The following KIF16B variants were observed in gnomAD, a reference collection of about 807,000 sequenced individuals.
The protein encoded by KIF16B is kinesin-like protein KIF16B.
Under a neutral mutation model 156.3 loss-of-function variants are expected in KIF16B, and 98 were observed. The ratio of observed to expected loss-of-function variants is 0.63; its 90% CI spans 0.53 to 0.74. The LOEUF (loss-of-function observed/expected upper bound fraction) is 0.74, where lower values mean the gene tolerates loss of function less well. Ranked by LOEUF, KIF16B falls within the 30% of genes least tolerant of loss-of-function variation. The probability of loss-of-function intolerance (pLI) is 0.00; values close to 1 mark genes in which losing one functional copy is unlikely to be tolerated. For synonymous variants in KIF16B, 564 were observed against 583.7 expected (o/e 0.97, Z 0.49); for missense variants, 1,421 against 1,606.5 (o/e 0.88, Z 1.97).
At chr20:16,406,320 A>G (rs2065783837) in intron 16 of KIF16B, 54 bp downstream of exon 16, 1 of 1,470,742 alleles carries the variant, frequency 6.8e-7, no homozygotes, top group Non-Finnish European at 9.5e-7. Flanking sequence ...ACCACCACCC[A>G]CTCATCCTCA....
chr20:16,286,106 T>C (rs1355540844), intron 25 of KIF16B, among the ~76,000 whole-genome samples: 1 of 152,248 alleles, frequency 6.6e-6, no homozygotes, highest in Admixed American at 6.5e-5. Flanking sequence ...TTTAGTCGAA[T>C]GATGTATCCC....
At chr20:16,290,530 G>C (rs763786054) in intron 25 of KIF16B, among the ~76,000 whole-genome samples, 4 of 152,212 alleles carry the variant, frequency 2.6e-5, no homozygotes, top group Non-Finnish European at 4.4e-5. Flanking sequence ...TACCAGGAGA[G>C]ATAACCTGCT....
intron 22 of KIF16B, among the ~76,000 whole-genome samples, chr20:16,358,736 C>T (rs1302474023): frequency 1.3e-5 from 2 of 152,214 alleles, no homozygotes; most frequent in Admixed American, 1.3e-4. Flanking sequence ...GTGAGAACAA[C>T]TATGAATATG....
chr20:16,383,910 G>A (rs1190521571), intron 17 of KIF16B, among the ~76,000 whole-genome samples: 1 of 152,206 alleles, frequency 6.6e-6, no homozygotes, highest in Admixed American at 6.5e-5. Context: ...CCTACCATCT[G>A]AGGATTGTTT....
Position 16,494,350 on chromosome 20 carries a change from C to A in KIF16B, c.1243G>T (p.Val415Phe). ...EEKLQQNEAR[V>F]QELTKEWTNK... is the part of the protein sequence containing the mutation. ...GTCCATTCCTTGGTCAATTCTTGAA[C>A]CTGAAAAGAAAAATATACATACGTG... The change falls in exon 12 of 26, where the codon GTT becomes TTT. Residue 415 changes from valine to phenylalanine, a missense_variant and splice_region_variant. Transcript: ENST00000354981. 1 of 1,588,608 alleles carries A rather than the reference C, an allele frequency of 6.3e-7. No homozygotes were observed. Among genetic ancestry groups the A allele is most frequent in the Non-Finnish European group, 8.6e-7 (1 of 1,165,412 alleles).
rs1389521069 is a variant in KIF16B, at chr20:16,379,034, CCTTTTTCCTCA to C, written c.2957_2967del (p.Val986GlyfsTer41). On this transcript the variant is annotated frameshift_variant, in exon 19 of 26. Transcript: ENST00000354981. LOFTEE classifies it high-confidence loss of function. ...TCTCTGGACTCCAAAATCTCCTTTT[CCTTTTTCCTCA>C]CTTTTTCCTCCTGACGTGCAATGTT... The C allele has an allele frequency of 1.9e-6, 3 of 1,611,194 alleles. No individual in the cohort carries two copies. The highest frequency in any genetic ancestry group is 1.3e-5 in the African/African-American group (1 of 74,670).
At chr20:16,510,307 A>T (rs1377048868) in intron 6 of KIF16B, among the ~76,000 whole-genome samples, 1 of 152,166 alleles carries the variant, frequency 6.6e-6, no homozygotes, top group Non-Finnish European at 1.5e-5. Flanking sequence ...ATACTGGCAC[A>T]CCCTGCTTTG....
intron 12 of KIF16B, among the ~76,000 whole-genome samples, chr20:16,430,313 A>G (rs2066464466): frequency 6.6e-6 from 1 of 152,142 alleles, no homozygotes. Context: ...ATTTAATATC[A>G]AGATGTTGCC....
Position 16,538,030 on chromosome 20 carries a change from T to C in KIF16B, c.48-9590A>G, listed in dbSNP as rs377095242. ...TACCCACATTTTCAAGTAAGGCTTG[T>C]CTTGGGTCCAGTTTGACTCACCTCC... On this transcript the variant is annotated intron_variant, in intron 1 of 25. Transcript: ENST00000354981. Among the ~76,000 whole-genome samples, 85 of 152,234 alleles carry C rather than the reference T, an allele frequency of 5.6e-4. 2 individuals are homozygous for C. In the South Asian group the frequency reaches 0.017, roughly 30 times the overall value.
At chr20:16,363,982 G>A (rs2064604239) in intron 22 of KIF16B, among the ~76,000 whole-genome samples, 1 of 152,240 alleles carries the variant, frequency 6.6e-6, no homozygotes, top group Admixed American at 6.5e-5. Flanking sequence ...TTAGAAACTG[G>A]TCTATCCAAT....
intron 24 of KIF16B, among the ~76,000 whole-genome samples, chr20:16,320,402 C>T (rs1290199781): frequency 6.6e-6 from 1 of 151,984 alleles, no homozygotes; most frequent in Admixed American, 6.6e-5. Context: ...TGCCTCTGCA[C>T]CCTCCTTCCT....
chr20:16,471,470 G>GT (rs1274135454), intron 12 of KIF16B, among the ~76,000 whole-genome samples: 1 of 152,076 alleles, frequency 6.6e-6, no homozygotes, highest in Non-Finnish European at 1.5e-5. Context: ...GTGGTAAATG[G>GT]TATAATTTTG....
At position 16,379,969 on chromosome 20, in the gene KIF16B, T is replaced by C; in HGVS notation, c.2033A>G (p.Lys678Arg). The change falls in exon 19 of 26, where the codon AAA becomes AGA. Residue 678 changes from lysine (K) to arginine (R), a missense_variant. Lys to Arg is a conservative substitution (Grantham distance 26). Coordinates refer to ENST00000354981, the MANE Select transcript of KIF16B (RefSeq NM_024704.5). ...KLKDLLAEKEKFEEERLREQQ... is the reference protein window; with the variant it reads ...KLKDLLAEKERFEEERLREQQ... ...TTCCCTCAGCCTCTCCTCTTCAAAT[T>C]TTTCCTTCTCCGCAAGTAAATCCTT... The C allele has an allele frequency of 1.2e-6, 2 of 1,612,788 alleles. No homozygotes were observed. The highest frequency in any genetic ancestry group is 1.7e-6 in the Non-Finnish European group (2 of 1,179,754).
chr20:16,354,554 G>A (rs2123134875), intron 23 of KIF16B, among the ~76,000 whole-genome samples: 1 of 152,160 alleles, frequency 6.6e-6, no homozygotes, highest in South Asian at 2.1e-4. Flanking sequence ...AATTGACCAG[G>A]AGATAGATAT....
chr20:16,470,194 T>C (rs1295556491), intron 12 of KIF16B, among the ~76,000 whole-genome samples: 1 of 152,204 alleles, frequency 6.6e-6, no homozygotes, highest in Non-Finnish European at 1.5e-5. Context: ...TAGAGAGGGT[T>C]GAACAGTCAG....
chr20:16,572,735 C>G (rs1175011497), intron 1 of KIF16B, among the ~76,000 whole-genome samples: 3 of 152,234 alleles, frequency 2.0e-5, no homozygotes, highest in South Asian at 2.1e-4. Flanking sequence ...CCCATCCACT[C>G]TCTAACATGA....
chr20:16,435,446 A>G (rs2066617443), intron 12 of KIF16B, among the ~76,000 whole-genome samples: 1 of 152,178 alleles, frequency 6.6e-6, no homozygotes, highest in South Asian at 2.1e-4. Context: ...ATGTTTAAAG[A>G]GTTTCTTCTT....
intron 22 of KIF16B, among the ~76,000 whole-genome samples, chr20:16,366,124 GCA>G (rs929218109): frequency 1.3e-5 from 2 of 152,114 alleles, no homozygotes; most frequent in Non-Finnish European, 2.9e-5. Flanking sequence ...ACCCTGAAGA[GCA>G]CAGTTTGCAG....
In KIF16B at chr20:16,512,862, G is replaced by C. The variant is rs1040694434; in HGVS notation, c.410C>G (p.Thr137Ser). 6.2e-7 allele frequency: 1 copy of C among 1,613,976 alleles called. No homozygotes were observed. Among genetic ancestry groups the C allele is most frequent in the Non-Finnish European group, 8.5e-7 (1 of 1,179,856 alleles). Residue 137 changes from threonine to serine, a missense_variant, in exon 5 of 26, where the codon ACC (threonine) becomes AGC (serine). Thr to Ser is a moderately conservative substitution (Grantham distance 58, BLOSUM62 1). Coordinates refer to ENST00000354981, the MANE Select transcript of KIF16B (RefSeq NM_024704.5). ...TCGAAAAGAAGCTTCATCCCATCTG[G>C]TGGTTTCATTTATCCGACTGAAGAG... Reference protein sequence around the residue: ...EGLFSRINETTRWDEASFRTE... With the variant: ...EGLFSRINETSRWDEASFRTE...
Sources: allele counts gnomAD v4.1 joint callset (sites outside exome capture counted in the v4.1 genomes callset), GRCh38; gene constraint gnomAD v4.1.1; transcripts MANE v1.5; gene names NCBI Gene and HGNC (gene_info 2026-07-23, HGNC 2026-07-21).